WDR46: variants seen among roughly 807,000 people sequenced by gnomAD.
WDR46 encodes the protein WD repeat-containing protein 46.
In WDR46, 58 loss-of-function variants were observed where a neutral mutation model predicts 74.7. The ratio of observed to expected loss-of-function variants is 0.78; its 90% confidence interval spans 0.63 to 0.97. The LOEUF (loss-of-function observed/expected upper bound fraction) is 0.97, where lower values mean the gene tolerates loss of function less well. WDR46 is among the 50% of genes least tolerant of loss of function. The probability of loss-of-function intolerance (pLI) is 0.00; values close to 1 mark genes in which losing one functional copy is unlikely to be tolerated. For synonymous variants in WDR46, 278 were observed against 297.3 expected, an observed-to-expected ratio of 0.93 and a Z score of 0.67; for missense variants, 702 against 790.1, an observed-to-expected ratio of 0.89 and a Z score of 1.34.
intron 10 of WDR46, among the ~76,000 whole-genome samples, chr6:33,282,371 C>T (rs59473078): frequency 0.053 from 8,067 of 152,150 alleles, 491 homozygotes; most frequent in African/African-American, 0.14. Context: ...CAGGAATTAC[C>T]GAGCGCTCGT....
chr6:33,280,769 C>T lies in WDR46; in HGVS notation c.1334G>A (p.Arg445Gln), dbSNP rs540529990. ...PSLEQPYLTHRLSGPVHGLQF... is the reference protein window; with the variant it reads ...PSLEQPYLTHQLSGPVHGLQF... ...AAGGCCATGCACAGGGCCTGAGAGC[C>T]GGTGGGTGAGGTAGGGCTGTTCAAG... Residue 445 changes from arginine (R) to glutamine (Q), a missense_variant, in exon 11 of 15, where the codon CGG (arginine) becomes CAG (glutamine). Transcript: ENST00000374617. The T allele has an allele frequency of 4.5e-5, 72 of 1,613,950 alleles. 2 individuals are homozygous for T. The Middle Eastern group carries it at 4.8e-3, about 107-fold the overall frequency.
intron 6 of WDR46, 99 bp downstream of exon 6, chr6:33,287,866 G>A: frequency 6.5e-7 from 1 of 1,533,068 alleles, no homozygotes; most frequent in Non-Finnish European, 9.0e-7. Flanking sequence ...GCAAATCGAA[G>A]GACCCTCCCC....
In WDR46 at chr6:33,280,823, G is replaced by GC. The variant is rs772422673; in HGVS notation, c.1279dup (p.Ala427GlyfsTer12). The GC allele has an allele frequency of 2.2e-5, 35 of 1,614,158 alleles. No homozygotes were observed. The highest frequency in any genetic ancestry group is 3.0e-5 in the Non-Finnish European group (35 of 1,180,018). ...GGGTGGGCTGGCCTTGCCCTGCCCT[G>GC]CCCAGATGTTGACAACGTCACCCAT... On this transcript the variant is annotated frameshift_variant, in exon 11 of 15. Transcript: ENST00000374617. LOFTEE classifies it high-confidence loss of function.
chr6:33,280,137 G>A (rs1766007873), intron 12 of WDR46, among the ~76,000 whole-genome samples: 1 of 143,138 alleles, frequency 7.0e-6, no homozygotes, highest in Non-Finnish European at 1.5e-5. Context: ...ACCCTCTCCA[G>A]CAGAGGGAAA....
At chr6:33,283,837 G>A (rs1222312834) in intron 10 of WDR46, among the ~76,000 whole-genome samples, 1 of 152,162 alleles carries the variant, frequency 6.6e-6, no homozygotes, top group Non-Finnish European at 1.5e-5. Context: ...GGCGGAGGTT[G>A]TAATGAACCG....
chr6:33,287,371 A>T lies in WDR46; in HGVS notation c.863T>A (p.Phe288Tyr). 6.2e-7 allele frequency: 1 copy of T among 1,612,246 alleles called. No individual in the cohort carries two copies. ...GCCACTCACAGCTGTAGCCAGGAGG[A>T]AGTGGAAGGGCAGGAACTCAAGCCG... ...VTRLEFLPFH[F>Y]LLATASETGF... is the part of the protein sequence containing the mutation. The change falls in exon 8 of 15, where the codon TTC (phenylalanine) becomes TAC (tyrosine). Residue 288 changes from phenylalanine (F) to tyrosine (Y), a missense_variant. Transcript: ENST00000374617.
chr6:33,287,413 C>T lies in WDR46; in HGVS notation c.821G>A (p.Arg274His), dbSNP rs770082456. The T allele has an allele frequency of 3.1e-6, 5 of 1,611,906 alleles. No homozygotes were observed. The highest frequency in any genetic ancestry group is 2.7e-5 in the African/African-American group (2 of 74,176). The change falls in exon 8 of 15, where the codon CGC (arginine) becomes CAC (histidine). Residue 274 changes from arginine to histidine, a missense_variant. Coordinates refer to ENST00000374617, the MANE Select transcript of WDR46 (RefSeq NM_005452.6). ...NQGIELHCIR[R>H]CDRVTRLEFL... The stretch of plus-strand genomic sequence containing the variant: ...CTCAAGCCGTGTTACTCGGTCACAG[C>T]GGCGGATACAGTGGAGCTCAATGCC...
chr6:33,281,082 A>G, intron 10 of WDR46, 95 bp from the exon 11 acceptor site: 2 of 1,315,636 alleles, frequency 1.5e-6, no homozygotes, highest in Non-Finnish European at 2.1e-6. Context: ...CTGGGGAGAA[A>G]AAGATTAATA....
At chr6:33,285,021 G>A (rs1766492513) in intron 10 of WDR46, among the ~76,000 whole-genome samples, 1 of 152,148 alleles carries the variant, frequency 6.6e-6, no homozygotes, top group South Asian at 2.1e-4. Flanking sequence ...TGTGTGAAAA[G>A]ATGTTTTCAA....
At chr6:33,284,181 C>CAG (rs1562622771) in intron 10 of WDR46, among the ~76,000 whole-genome samples, 1 of 150,654 alleles carries the variant, frequency 6.6e-6, no homozygotes, top group Non-Finnish European at 1.5e-5. Context: ...CCCCGGGGGG[C>CAG]AGAGGTTGTG....
rs1200018718 is a variant in WDR46, at chr6:33,288,444, T to G, written c.387A>C (p.Arg129=). ...RKLPHSKAKT[R]SRLEVAEAEE... Reference sequence around the variant, plus strand: ...CAGCTTCAGCCACCTCAAGTCGGCTTCGAGTTTTGGCTTTAGAATGTGGTA... The same window carrying G: ...CAGCTTCAGCCACCTCAAGTCGGCTGCGAGTTTTGGCTTTAGAATGTGGTA... Residue 129 remains arginine (R), a synonymous_variant, in exon 4 of 15, where the codon CGA becomes CGC. Coordinates refer to ENST00000374617, the MANE Select transcript of WDR46 (RefSeq NM_005452.6). 1 of 1,614,152 alleles carries G rather than the reference T, an allele frequency of 6.2e-7. No individual in the cohort carries two copies.
chr6:33,280,035 C>G (rs975844496), intron 12 of WDR46, among the ~76,000 whole-genome samples, 176 bp from the exon 13 acceptor site: 2 of 142,296 alleles, frequency 1.4e-5, no homozygotes, highest in Non-Finnish European at 3.0e-5. Flanking sequence ...AGGGGCCTCA[C>G]TCTCTGCAGC....
rs1408903383 is a variant in WDR46, at chr6:33,288,470, G to A, written c.361C>T (p.Leu121=). 1.9e-6 allele frequency: 3 copies of A among 1,613,982 alleles called. No individual in the cohort carries two copies. In the African/African-American group the frequency reaches 4.0e-5, roughly 22 times the overall value. ...CGAGTTTTGGCTTTAGAATGTGGTAGCTGTAACATTGTTGGTGGGGAGGAG... is the reference window on the plus strand; with the variant it reads ...CGAGTTTTGGCTTTAGAATGTGGTAACTGTAACATTGTTGGTGGGGAGGAG... The part of the protein sequence containing the change: ...KFCRIDKSRK[L]PHSKAKTRSR... The change falls in exon 4 of 15, where the codon CTA becomes TTA. Residue 121 remains leucine, a splice_region_variant and synonymous_variant. Transcript: ENST00000374617.
intron 12 of WDR46, 105 bp from the exon 13 acceptor site, chr6:33,279,964 G>T: frequency 9.4e-7 from 1 of 1,060,056 alleles, no homozygotes; most frequent in Non-Finnish European, 1.4e-6. Context: ...AAGACCCCCA[G>T]CATGAGACAT....
At chr6:33,280,380 T>TC in intron 12 of WDR46, 48 bp downstream of exon 12, 1 of 1,540,174 alleles carries the variant, frequency 6.5e-7, no homozygotes, top group Non-Finnish European at 8.8e-7. Context: ...AACCTGACCC[T>TC]CTCCAGCAAT....
Position 33,288,842 on chromosome 6 carries a change from C to T in WDR46, c.241G>A (p.Glu81Lys). 1 of 1,614,178 alleles carries T rather than the reference C, an allele frequency of 6.2e-7. No homozygotes were observed. Among genetic ancestry groups the T allele is most frequent in the Admixed American group, 1.7e-5 (1 of 60,022 alleles). Residue 81 changes from glutamate to lysine, a missense_variant, in exon 2 of 15, where the codon GAA becomes AAA. Physicochemically the swap from Glu to Lys is moderately conservative, Grantham distance 56. Coordinates refer to ENST00000374617, the MANE Select transcript of WDR46 (RefSeq NM_005452.6). ...KKPQVPKKPR[E>K]WKNPESQRGL... is the part of the protein sequence containing the mutation. ...CGCTGGGACTCCGGGTTCTTCCATT[C>T]TCGGGGTTTCTTCGGGACCTGAGGC...
intron 4 of WDR46, 45 bp downstream of exon 4, chr6:33,288,313 G>A (rs371500079): frequency 3.1e-6 from 5 of 1,612,828 alleles, no homozygotes; most frequent in African/African-American, 2.7e-5. Flanking sequence ...AGAAAAGACA[G>A]TCCCAAAAGG....
intron 4 of WDR46, 49 bp from the exon 5 acceptor site, chr6:33,288,284 G>A: frequency 1.9e-6 from 3 of 1,613,748 alleles, no homozygotes; most frequent in Non-Finnish European, 8.5e-7. Context: ...TATGAAGCAA[G>A]TATACCAACA....
At chr6:33,283,982 G>A (rs995324676) in intron 10 of WDR46, among the ~76,000 whole-genome samples, 1 of 152,010 alleles carries the variant, frequency 6.6e-6, no homozygotes, top group Non-Finnish European at 1.5e-5. Flanking sequence ...AGTGGCTCAC[G>A]CCTGTAATCC....
Sources: gnomAD v4.1 joint callset for allele counts (sites outside exome capture counted in the v4.1 genomes callset) on GRCh38, gnomAD v4.1.1 for gene constraint, MANE v1.5 for transcripts, NCBI Gene and HGNC (gene_info 2026-07-23, HGNC 2026-07-21) for gene names.